The following COL4A2 variants were observed in gnomAD, a reference collection of about 807,000 sequenced individuals.
COL4A2 encodes the protein collagen type IV alpha 2 chain.
In COL4A2, 99 loss-of-function variants were observed where a neutral mutation model predicts 200.2. The observed-to-expected ratio is 0.49, with a 90% CI of 0.42 to 0.58. The LOEUF (loss-of-function observed/expected upper bound fraction) is 0.58, where lower values mean the gene tolerates loss of function less well. COL4A2 is among the 20% of genes least tolerant of loss of function. COL4A2 has a pLI of 0.00. For synonymous variants in COL4A2, 897 were observed against 900.6 expected, an observed-to-expected ratio of 1.00 and a Z score of 0.07; for missense variants, 1,950 against 2,314.1, an observed-to-expected ratio of 0.84 and a Z score of 3.23.
chr13:110,428,631 C>A (rs757977115), intron 7 of COL4A2, 48 bp downstream of exon 7: 1 of 1,128,148 alleles, frequency 8.9e-7, no homozygotes, highest in East Asian at 2.8e-5. Context: ...CAGACCCCTG[C>A]TAAGCCCTGC....
chr13:110,371,894 C>CT (rs1343106250), intron 4 of COL4A2, among the ~76,000 whole-genome samples: 2 of 152,096 alleles, frequency 1.3e-5, no homozygotes, highest in Non-Finnish European at 2.9e-5. Context: ...ATGCTGTTGG[C>CT]TTTGAGACAA....
intron 3 of COL4A2, among the ~76,000 whole-genome samples, chr13:110,346,704 G>A (rs1001189952): frequency 6.6e-6 from 1 of 151,452 alleles, no homozygotes; most frequent in Non-Finnish European, 1.5e-5. Flanking sequence ...CCTGCCTGAC[G>A]GCTGACGACG....
intron 30 of COL4A2, among the ~76,000 whole-genome samples, chr13:110,479,918 G>A (rs1882838242): frequency 6.6e-6 from 1 of 152,182 alleles, no homozygotes; most frequent in Non-Finnish European, 1.5e-5. Flanking sequence ...AGCTGGCAAG[G>A]CCCCCACTCA....
At chr13:110,401,252 G>A (rs929505405) in intron 4 of COL4A2, among the ~76,000 whole-genome samples, 1 of 152,186 alleles carries the variant, frequency 6.6e-6, no homozygotes, top group Admixed American at 6.5e-5. Context: ...TTGTAGATGA[G>A]GATTGGTTCC....
At chr13:110,475,590 T>C (rs74124606) in intron 29 of COL4A2, among the ~76,000 whole-genome samples, 3,856 of 152,342 alleles carry the variant, frequency 0.025, 141 homozygotes, top group African/African-American at 0.075. Context: ...AAGCTTCATA[T>C]GCCTTGTTAG....
intron 3 of COL4A2, among the ~76,000 whole-genome samples, chr13:110,312,670 C>T (rs994262758): frequency 4.6e-5 from 7 of 152,214 alleles, no homozygotes; most frequent in African/African-American, 1.7e-4. Context: ...TGGCCTCATG[C>T]TTTGTGTCTG....
At chr13:110,340,307 C>G (rs4773158) in intron 3 of COL4A2, among the ~76,000 whole-genome samples, 142,632 of 152,180 alleles carry the variant, frequency 0.94, 67,311 homozygotes, top group Middle Eastern at 0.99. Context: ...AGTAGAGATG[C>G]GGTTTCACCA....
intron 47 of COL4A2, among the ~76,000 whole-genome samples, chr13:110,509,270 T>TATATATATATATACACACAC (rs1435137108): frequency 2.0e-4 from 23 of 115,574 alleles, no homozygotes; most frequent in African/African-American, 8.0e-4. Context: ...TATATATATA[T>TATATATATATATACACACAC]ACACACACAC....
At position 110,406,357 on chromosome 13, in the gene COL4A2, A is replaced by G. The variant is rs918585710; in HGVS notation, c.181-18377A>G. ...TCCCAGGCTGAGAGCCCGGCACAGG[A>G]CTGGAAATACTCATCAGGGTTCACA... On this transcript the variant is annotated intron_variant, in intron 4 of 47. Transcript: ENST00000360467. 8.1e-4 allele frequency among the ~76,000 whole-genome samples: 123 copies of G among 152,154 alleles called. 1 individual carries two copies. Among genetic ancestry groups the G allele is most frequent in the Non-Finnish European group, 1.9e-4 (13 of 68,028 alleles).
At chr13:110,433,339 C>T (rs943551992) in intron 11 of COL4A2, among the ~76,000 whole-genome samples, 1 of 152,252 alleles carries the variant, frequency 6.6e-6, no homozygotes, top group Non-Finnish European at 1.5e-5. Context: ...TGAGCCCAGG[C>T]GTGAGCCTCA....
chr13:110,511,787 C>T (rs901669300), intron 47 of COL4A2, 147 bp from the exon 48 acceptor site: 10 of 1,306,358 alleles, frequency 7.7e-6, no homozygotes, highest in East Asian at 7.6e-5. Flanking sequence ...TTGCTGAAGG[C>T]GCATTCGCGA....
rs201303413 is a variant in COL4A2 at position 110,409,060 on chromosome 13, GCA to G, written c.181-15666_181-15665del. On this transcript the variant is annotated intron_variant, in intron 4 of 47. Transcript: ENST00000360467. Reference sequence around the variant, plus strand: ...TTTACACACATGCAGATATACACATGCACACACACGTACACACATGCACATAT... The same window carrying G: ...TTTACACACATGCAGATATACACATGCACACACGTACACACATGCACATAT... Among the ~76,000 whole-genome samples the G allele has an allele frequency of 8.6e-3, 1,157 of 134,410 alleles. 31 individuals carry two copies. The highest frequency in any genetic ancestry group is 0.011 in the Non-Finnish European group (722 of 63,772). 88.2% of individuals were successfully genotyped at this position (134,410 alleles called of 152,430 possible). A position where few individuals can be genotyped will look rare whatever the true frequency, so the allele number is the denominator to read the frequency against.
At chr13:110,506,681 C>T (rs1422376153) in intron 46 of COL4A2, 75 bp downstream of exon 46, 29 of 1,431,616 alleles carry the variant, frequency 2.0e-5, no homozygotes, top group Middle Eastern at 2.2e-4. Context: ...AGGGCCACAG[C>T]GAGACTCCCA....
chr13:110,378,340 A>G (rs772869754), intron 4 of COL4A2, among the ~76,000 whole-genome samples: 1 of 152,224 alleles, frequency 6.6e-6, no homozygotes, highest in Non-Finnish European at 1.5e-5. Flanking sequence ...AAAAAAATAG[A>G]TATGGAACAA....
intron 4 of COL4A2, among the ~76,000 whole-genome samples, chr13:110,410,643 A>G (rs530324018): frequency 6.4e-4 from 98 of 152,184 alleles, no homozygotes; most frequent in African/African-American, 2.4e-3. Flanking sequence ...TGTTTTCTTC[A>G]CGACAAAATA....
chr13:110,423,718 C>A (rs897320802), intron 4 of COL4A2, among the ~76,000 whole-genome samples: 5 of 152,176 alleles, frequency 3.3e-5, no homozygotes, highest in African/African-American at 1.2e-4. Context: ...ACTGCCTCCC[C>A]CTGTCCCTCT....
chr13:110,483,705 A>T (rs759098762), intron 32 of COL4A2, among the ~76,000 whole-genome samples: 1 of 132,182 alleles, frequency 7.6e-6, no homozygotes, highest in Non-Finnish European at 1.5e-5. Flanking sequence ...CCTACACTTG[A>T]TCTTAGCCAA....
chr13:110,492,294 G>A lies in COL4A2; in HGVS notation c.3562+117G>A, dbSNP rs1883310811. ...CTTCTAAGGCCCATACGAGAGCAAA[G>A]GCAGGTCTGCTGTGGCTTACGGTGG... On this transcript the variant is annotated intron_variant, in intron 38 of 47. Transcript: ENST00000360467. 6.9e-6 allele frequency: 6 copies of A among 873,726 alleles called. No homozygotes were observed. In the East Asian group the frequency reaches 1.6e-4, roughly 24 times the overall value. The allele number at this position is 873,726 out of a possible 1,614,324, so 54.1% of individuals were successfully genotyped here.
chr13:110,458,099 G>A (rs530483246), intron 21 of COL4A2: 4 of 469,738 alleles, frequency 8.5e-6, no homozygotes, highest in South Asian at 6.2e-5. Flanking sequence ...ACCACGTCTT[G>A]GCCGTTTTGG....
Sources: gnomAD v4.1 joint callset for allele counts (sites outside exome capture counted in the v4.1 genomes callset) on GRCh38, gnomAD v4.1.1 for gene constraint, MANE v1.5 for transcripts, NCBI Gene and HGNC (gene_info 2026-07-23, HGNC 2026-07-21) for gene names.